Variants in NPAS3 observed in about 807,000 individuals in gnomAD.
The protein encoded by NPAS3 is neuronal PAS domain protein 3, also known as neuronal PAS domain-containing protein 3.
Under a neutral mutation model 73.1 loss-of-function variants are expected in NPAS3, and 14 were observed. That is an observed-to-expected ratio of 0.19 (90% CI 0.13 to 0.30). The LOEUF is 0.30. Ranked by LOEUF, NPAS3 falls within the 10% of genes least tolerant of loss-of-function variation. The probability of loss-of-function intolerance (pLI) is 1.00; values close to 1 mark genes in which losing one functional copy is unlikely to be tolerated. For missense variants in NPAS3, 1,096 were observed against 1,250.0 expected (o/e 0.88, Z 1.86); for synonymous variants, 620 against 541.5 (o/e 1.14, Z -2.01).
At chr14:33,140,013 T>C in intron 2 of NPAS3, among the ~76,000 whole-genome samples, 1 of 152,124 alleles carries the variant, frequency 6.6e-6, no homozygotes, top group East Asian at 1.9e-4. Context: ...TTGCATGTTG[T>C]TTGCTGTCAG....
At chr14:33,528,310 T>C (rs2053892946) in intron 4 of NPAS3, among the ~76,000 whole-genome samples, 1 of 151,856 alleles carries the variant, frequency 6.6e-6, no homozygotes, top group Non-Finnish European at 1.5e-5. Context: ...ACTTATTCAC[T>C]TGGTGAGCCA....
At chr14:33,426,948 T>C (rs749291528) in intron 4 of NPAS3, among the ~76,000 whole-genome samples, 33 of 152,126 alleles carry the variant, frequency 2.2e-4, no homozygotes, top group Non-Finnish European at 4.1e-4. Flanking sequence ...TTCATTTGGC[T>C]TACCTTGACT....
chr14:33,021,171 G>A (rs2138260228), intron 1 of NPAS3, among the ~76,000 whole-genome samples: 1 of 152,338 alleles, frequency 6.6e-6, no homozygotes, highest in Non-Finnish European at 1.5e-5. Flanking sequence ...GTTGCTTATG[G>A]AAAGTGCCTT....
chr14:33,724,312 T>G (rs1466381910), intron 6 of NPAS3, among the ~76,000 whole-genome samples: 1 of 152,120 alleles, frequency 6.6e-6, no homozygotes, highest in Non-Finnish European at 1.5e-5. Flanking sequence ...AAATATGTAT[T>G]CAAACATAAT....
At chr14:33,233,523 A>G (rs891397469) in intron 3 of NPAS3, among the ~76,000 whole-genome samples, 2 of 152,160 alleles carry the variant, frequency 1.3e-5, no homozygotes, top group Admixed American at 1.3e-4. Flanking sequence ...GATCATTTAT[A>G]CTGACAAAAA....
chr14:33,230,590 A>G (rs2047812966), intron 3 of NPAS3, among the ~76,000 whole-genome samples: 1 of 152,204 alleles, frequency 6.6e-6, no homozygotes, highest in Non-Finnish European at 1.5e-5. Context: ...ATATACTCCA[A>G]AATGACATAA....
chr14:33,765,926 A>G (rs2062448848), intron 7 of NPAS3, among the ~76,000 whole-genome samples: 1 of 152,186 alleles, frequency 6.6e-6, no homozygotes, highest in Non-Finnish European at 1.5e-5. Flanking sequence ...CTGGGAACCA[A>G]CATTATTAAT....
chr14:32,938,486 T>TGACAGAGAGAGA (rs1555372900), upstream of NPAS3, among the ~76,000 whole-genome samples: 2,949 of 55,912 alleles, frequency 0.053, 385 homozygotes, highest in Non-Finnish European at 0.063. Context: ...AGAGAGAAAT[T>TGACAGAGAGAGA]GAGAGAGAGA....
At chr14:33,093,930 G>C (rs2042316164) in intron 2 of NPAS3, among the ~76,000 whole-genome samples, 1 of 152,038 alleles carries the variant, frequency 6.6e-6, no homozygotes, top group Admixed American at 6.6e-5. Flanking sequence ...GGGAACACTT[G>C]GACATGGGAA....
intron 7 of NPAS3, among the ~76,000 whole-genome samples, chr14:33,753,386 A>T (rs1463797781): frequency 6.7e-6 from 1 of 150,130 alleles, no homozygotes; most frequent in Non-Finnish European, 1.5e-5. Flanking sequence ...TACACTCCAC[A>T]ATGTAGAAGG....
intron 3 of NPAS3, among the ~76,000 whole-genome samples, chr14:33,220,515 C>A (rs1431753327): frequency 2.0e-5 from 3 of 152,248 alleles, no homozygotes; most frequent in South Asian, 2.1e-4. Context: ...TAAGAACTAA[C>A]CTTTTATCTT....
At chr14:33,552,932 T>C (rs755089899) in intron 4 of NPAS3, among the ~76,000 whole-genome samples, 3 of 152,202 alleles carry the variant, frequency 2.0e-5, no homozygotes, top group Non-Finnish European at 4.4e-5. Context: ...ATACCACATG[T>C]GTGCACAGCA....
chr14:33,391,380 A>T (rs2046997774), intron 4 of NPAS3, among the ~76,000 whole-genome samples: 1 of 151,878 alleles, frequency 6.6e-6, no homozygotes, highest in Non-Finnish European at 1.5e-5. Flanking sequence ...TTTAGTAGAG[A>T]TGGGGTTTCT....
intron 1 of NPAS3, among the ~76,000 whole-genome samples, chr14:32,947,344 T>C (rs1395314718): frequency 6.6e-6 from 1 of 152,120 alleles, no homozygotes; most frequent in Non-Finnish European, 1.5e-5. Context: ...AGTGGAATGA[T>C]TGAAATTGTT....
intron 3 of NPAS3, among the ~76,000 whole-genome samples, chr14:33,218,889 C>T (rs1025151882): frequency 1.3e-5 from 2 of 152,106 alleles, no homozygotes; most frequent in Admixed American, 1.3e-4. Flanking sequence ...TTGTGATTCC[C>T]ATTGTATACA....
At chr14:33,675,356 G>C (rs1198308384) in intron 5 of NPAS3, among the ~76,000 whole-genome samples, 1 of 152,176 alleles carries the variant, frequency 6.6e-6, no homozygotes, top group Non-Finnish European at 1.5e-5. Flanking sequence ...AGACGCAGGG[G>C]TCATGCCTGA....
At chr14:33,204,971 C>A (rs2046769279) in intron 2 of NPAS3, among the ~76,000 whole-genome samples, 1 of 152,068 alleles carries the variant, frequency 6.6e-6, no homozygotes, top group Non-Finnish European at 1.5e-5. Context: ...ACTTCTCATG[C>A]TCAATTTGGA....
intron 4 of NPAS3, among the ~76,000 whole-genome samples, chr14:33,480,073 G>A (rs188057650): frequency 3.3e-5 from 5 of 152,268 alleles, no homozygotes; most frequent in Middle Eastern, 3.4e-3. Context: ...AAAGAAGCAC[G>A]AAGCCCTTTT....
chr14:32,992,523 A>C (rs1031774365), intron 1 of NPAS3, among the ~76,000 whole-genome samples: 1 of 152,008 alleles, frequency 6.6e-6, no homozygotes, highest in Admixed American at 6.6e-5. Flanking sequence ...TGGCCTAGAA[A>C]CCACACTTGT....
Sources: allele counts gnomAD v4.1 joint callset (sites outside exome capture counted in the v4.1 genomes callset), GRCh38; gene constraint gnomAD v4.1.1; transcripts MANE v1.5; gene names NCBI Gene and HGNC (gene_info 2026-07-23, HGNC 2026-07-21).